UTS2: variants seen among roughly 807,000 people sequenced by gnomAD.
The protein encoded by UTS2 is urotensin-2.
UTS2 carries 10 observed loss-of-function variants against 12.6 expected under a neutral mutation model. The observed-to-expected ratio is 0.80, with a 90% CI of 0.49 to 1.35. UTS2 has a LOEUF of 1.35. Among genes scored for constraint, UTS2 ranks in the 40% most tolerant of loss-of-function variants. UTS2 has a pLI of 0.00. For synonymous variants in UTS2, 52 were observed against 50.0 expected (o/e 1.04, Z -0.17); for missense variants, 142 against 143.2 (o/e 0.99, Z 0.04).
At chr1:7,872,972 A>C in the UTS2 span, among the ~76,000 whole-genome samples, 2 of 152,254 alleles carry the variant, frequency 1.3e-5, no homozygotes, top group Non-Finnish European at 2.9e-5. Context: ...AGTTGAAGTC[A>C]GCACTCATTT....
chr1:7,853,540 T>TAA, upstream of UTS2: 2 of 1,451,444 alleles, frequency 1.4e-6, no homozygotes, highest in Non-Finnish European at 1.9e-6. Flanking sequence ...CTATTTCCTT[T>TAA]AAAACAGTGA....
At chr1:7,862,721 C>T in the UTS2 span, among the ~76,000 whole-genome samples, 1 of 152,104 alleles carries the variant, frequency 6.6e-6, no homozygotes, top group Non-Finnish European at 1.5e-5. Flanking sequence ...GAATGCCCCG[C>T]ACCCCAGGGA....
At position 7,847,732 on chromosome 1, in the gene UTS2, G is replaced by C. The variant is rs1438806764; in HGVS notation, c.*34C>G. ...TTATTTTTCATATTCTAAGATGGGT[G>C]TTTCTGAGCTGACTAACAGATGCTT... On this transcript the variant is annotated 3_prime_UTR_variant, in exon 4 of 4. Transcript: ENST00000361696. 6.6e-7 allele frequency: 1 copy of C among 1,512,498 alleles called. No homozygotes were observed. Among genetic ancestry groups the C allele is most frequent in the Non-Finnish European group, 9.1e-7 (1 of 1,097,578 alleles). 93.7% of individuals were successfully genotyped at this position (1,512,498 alleles called of 1,614,324 possible).
chr1:7,851,905 G>A (rs2097414560), intron 1 of UTS2, among the ~76,000 whole-genome samples: 1 of 152,184 alleles, frequency 6.6e-6, no homozygotes, highest in African/African-American at 2.4e-5. Flanking sequence ...TAAGATGACA[G>A]TAGTAGCTGA....
chr1:7,879,528 G>A, the UTS2 span, among the ~76,000 whole-genome samples: 1 of 152,084 alleles, frequency 6.6e-6, no homozygotes, highest in African/African-American at 2.4e-5. Flanking sequence ...ATCACTTGAG[G>A]CCAGGAGTTT....
the UTS2 span, among the ~76,000 whole-genome samples, chr1:7,866,132 A>C: frequency 6.6e-6 from 1 of 152,142 alleles, no homozygotes; most frequent in Non-Finnish European, 1.5e-5. This position sits in a 1 kb window ranked among gnomAD's most constrained non-coding sequence, Gnocchi z 4.5. Flanking sequence ...GACCATGCCC[A>C]CGCTCTGGGC....
At chr1:7,891,823 T>G in the UTS2 span, among the ~76,000 whole-genome samples, 3 of 152,208 alleles carry the variant, frequency 2.0e-5, no homozygotes, top group Non-Finnish European at 4.4e-5. Context: ...ACTCTATTGT[T>G]TCATTTATGT....
the UTS2 span, among the ~76,000 whole-genome samples, chr1:7,886,171 C>T: frequency 6.6e-6 from 1 of 152,014 alleles, no homozygotes; most frequent in African/African-American, 2.4e-5. Context: ...CTCTGAGTCT[C>T]CCCGGGAGGG....
the UTS2 span, among the ~76,000 whole-genome samples, chr1:7,863,991 A>G: frequency 1.3e-5 from 2 of 152,208 alleles, no homozygotes; most frequent in Non-Finnish European, 2.9e-5. Flanking sequence ...AGAATTCACA[A>G]GGCATCTCAG....
upstream of UTS2, among the ~76,000 whole-genome samples, chr1:7,855,326 AT>A (rs1483760165): frequency 1.3e-5 from 2 of 151,326 alleles, no homozygotes; most frequent in African/African-American, 4.9e-5. Context: ...GCTCACGCCT[AT>A]AATCCCAGCA....
the UTS2 span, among the ~76,000 whole-genome samples, chr1:7,906,482 A>AGAAAGAAAGAAAGAAG: frequency 6.8e-6 from 1 of 147,096 alleles, no homozygotes; most frequent in South Asian, 2.3e-4. Context: ...AAAGAAAGAA[A>AGAAAGAAAGAAAGAAG]GAAAGAAAGA....
chr1:7,857,177 C>T (rs1482178871), upstream of UTS2, among the ~76,000 whole-genome samples: 1 of 122,674 alleles, frequency 8.2e-6, no homozygotes, highest in African/African-American at 3.0e-5. Context: ...GGATAGCTTC[C>T]AGAATCCCAG....
At chr1:7,884,923 C>T in the UTS2 span, among the ~76,000 whole-genome samples, 10 of 150,632 alleles carry the variant, frequency 6.6e-5, no homozygotes, top group African/African-American at 2.2e-4. Flanking sequence ...TCCATTCATC[C>T]ATCCACTCAC....
the UTS2 span, among the ~76,000 whole-genome samples, chr1:7,882,953 CTG>C: frequency 6.6e-6 from 1 of 152,108 alleles, no homozygotes; most frequent in Non-Finnish European, 1.5e-5. Flanking sequence ...TTCTTATACA[CTG>C]TTGGTGGGAA....
the UTS2 span, among the ~76,000 whole-genome samples, chr1:7,910,824 C>G: frequency 6.6e-6 from 1 of 152,178 alleles, no homozygotes; most frequent in South Asian, 2.1e-4. Context: ...GCAGCCTCAA[C>G]CTCCTGGGCT....
At chr1:7,891,539 A>AGAAAGAAAGAAG in the UTS2 span, among the ~76,000 whole-genome samples, 1 of 91,762 alleles carries the variant, frequency 1.1e-5, no homozygotes, top group Non-Finnish European at 2.4e-5. Context: ...AAGAAAGAAA[A>AGAAAGAAAGAAG]GAAAGAAAGA....
At chr1:7,905,660 AG>A in the UTS2 span, among the ~76,000 whole-genome samples, 1 of 152,174 alleles carries the variant, frequency 6.6e-6, no homozygotes, top group African/African-American at 2.4e-5. Flanking sequence ...TTCTGCTTCT[AG>A]ATGGCCTCCA....
chr1:7,886,518 A>G, the UTS2 span, among the ~76,000 whole-genome samples: 2,978 of 152,258 alleles, frequency 0.02, 85 homozygotes, highest in African/African-American at 0.067. Flanking sequence ...CAGCTCACAG[A>G]TGAGCTTACG....
the UTS2 span, among the ~76,000 whole-genome samples, chr1:7,885,921 GT>G: frequency 3.9e-5 from 2 of 50,686 alleles, no homozygotes; most frequent in African/African-American, 6.5e-5. Flanking sequence ...GGGGGGGCGG[GT>G]GGAGGTGGAG....
Sources: gnomAD v4.1 joint callset for allele counts (sites outside exome capture counted in the v4.1 genomes callset) on GRCh38, gnomAD v4.1.1 for gene constraint, Gnocchi (gnomAD v3.1) non-coding constraint, MANE v1.5 for transcripts, NCBI Gene and HGNC (gene_info 2026-07-23, HGNC 2026-07-21) for gene names.